Variants in PEX1 observed in about 807,000 individuals in gnomAD.
The protein encoded by PEX1 is peroxisomal ATPase PEX1.
PEX1 carries 97 observed loss-of-function variants against 152.5 expected under a neutral mutation model. The observed-to-expected ratio is 0.64, with a 90% CI of 0.54 to 0.75. The LOEUF (loss-of-function observed/expected upper bound fraction) is 0.75, where lower values mean the gene tolerates loss of function less well. Among genes scored for constraint, PEX1 ranks in the 30% least tolerant of loss-of-function variants. The probability of loss-of-function intolerance (pLI) is 0.00; values close to 1 mark genes in which losing one functional copy is unlikely to be tolerated. For synonymous variants in PEX1, 485 were observed against 531.6 expected, an observed-to-expected ratio of 0.91 and a Z score of 1.21; for missense variants, 1,357 against 1,516.3, an observed-to-expected ratio of 0.89 and a Z score of 1.74.
At chr7:92,494,179 TC>T in intron 19 of PEX1, 113 bp downstream of exon 19, 1 of 803,974 alleles carries the variant, frequency 1.2e-6, no homozygotes, top group Non-Finnish European at 2.1e-6. Context: ...CTAAAGCTTT[TC>T]CCTAAGAAAG....
At position 92,489,807 on chromosome 7, in the gene PEX1, T is replaced by C. The variant is rs374673391; in HGVS notation, c.3543A>G (p.Ser1181=). ...FSQPPVLRTA[S]QEGCQELTQE... ...GTGTAAGTTCTTGGCAACCCTCTTGTGAAGCTGTCCTTAACACTGGAGGCT... is the reference window on the plus strand; with the variant it reads ...GTGTAAGTTCTTGGCAACCCTCTTGCGAAGCTGTCCTTAACACTGGAGGCT... Residue 1181 remains serine (S), a synonymous_variant, in exon 22 of 24, where the codon TCA becomes TCG. Transcript: ENST00000248633. The C allele has an allele frequency of 1.5e-5, 24 of 1,613,960 alleles. No homozygotes were observed. Among genetic ancestry groups the C allele is most frequent in the Non-Finnish European group, 1.6e-5 (19 of 1,179,970 alleles).
At chr7:92,515,872 T>C (rs777023901) in intron 5 of PEX1, among the ~76,000 whole-genome samples, 1 of 151,816 alleles carries the variant, frequency 6.6e-6, no homozygotes, top group African/African-American at 2.4e-5. Context: ...CGCACACTTG[T>C]AGTCCCAGCT....
chr7:92,496,891 T>G, intron 16 of PEX1, 114 bp from the exon 17 acceptor site: 1 of 717,768 alleles, frequency 1.4e-6, no homozygotes, highest in Non-Finnish European at 2.5e-6. Context: ...AATGGATGTC[T>G]TTTATACATT....
intron 5 of PEX1, among the ~76,000 whole-genome samples, chr7:92,514,254 A>G (rs979348008): frequency 6.6e-6 from 1 of 152,128 alleles, no homozygotes; most frequent in Admixed American, 6.5e-5. Context: ...CCCAAAGACC[A>G]CACCTCCTAA....
In PEX1 at chr7:92,522,251, C is replaced by A. The variant is rs1562869976; in HGVS notation, c.130-6G>T. On this transcript the variant is annotated splice_polypyrimidine_tract_variant and splice_region_variant and intron_variant, in intron 1 of 23. Coordinates refer to ENST00000248633, the MANE Select transcript of PEX1 (RefSeq NM_000466.3). ...ACCACTTCTATAGCTTGATTCTATT[C>A]ATATAAGAAATGAGAGGAAAAAAGG... 1.2e-6 allele frequency: 2 copies of A among 1,613,620 alleles called. No homozygotes were observed. The highest frequency in any genetic ancestry group is 2.2e-5 in the South Asian group (2 of 91,044).
chr7:92,487,602 A>C, intron 23 of PEX1, 61 bp from the exon 24 acceptor site: 1 of 735,460 alleles, frequency 1.4e-6, no homozygotes, highest in Non-Finnish European at 2.3e-6. Context: ...ACAAAAGATA[A>C]TGGATTGTTG....
At chr7:92,492,456 T>G (rs930675842) in intron 20 of PEX1, among the ~76,000 whole-genome samples, 1 of 152,178 alleles carries the variant, frequency 6.6e-6, no homozygotes, top group Non-Finnish European at 1.5e-5. Flanking sequence ...CGTGAACCAC[T>G]GCACCTGGCC....
rs1793131407 is a variant in PEX1 at position 92,523,330 on chromosome 7, T to TC, written c.130-1086_130-1085insG. ...TGCATCATAAGCATTTTCGAACTTT[T>TC]TTTTTTTTTGAGACAGGATTTTGCT... On this transcript the variant is annotated intron_variant, in intron 1 of 23. Coordinates refer to ENST00000248633, the MANE Select transcript of PEX1 (RefSeq NM_000466.3). 2.0e-5 allele frequency among the ~76,000 whole-genome samples: 3 copies of TC among 152,182 alleles called. No individual in the cohort carries two copies. In the South Asian group the frequency reaches 6.2e-4, roughly 32 times the overall value.
rs769836601 is a variant in PEX1, at chr7:92,489,363, GTGAC to G, written c.3693_3696del (p.Gln1231HisfsTer3). The G allele has an allele frequency of 2.2e-5, 36 of 1,609,412 alleles. No homozygotes were observed. The highest frequency in any genetic ancestry group is 5.3e-5 in the African/African-American group (4 of 74,926). On this transcript the variant is annotated frameshift_variant, in exon 23 of 24. Coordinates refer to ENST00000248633, the MANE Select transcript of PEX1 (RefSeq NM_000466.3). LOFTEE classifies it high-confidence loss of function. ...GTGTGACCAAGTGCAGTCATTAAATGTGACTGACTAATAGCCAGTCTGGTTTTGA... is the reference window on the plus strand; with the variant it reads ...GTGTGACCAAGTGCAGTCATTAAATGTGACTAATAGCCAGTCTGGTTTTGA...
At chr7:92,497,032 CCA>C (rs1470655633) in intron 16 of PEX1, among the ~76,000 whole-genome samples, 1 of 152,098 alleles carries the variant, frequency 6.6e-6, no homozygotes, top group East Asian at 1.9e-4. Context: ...TGCCCAAATA[CCA>C]CCTCTTCAGA....
intron 5 of PEX1, among the ~76,000 whole-genome samples, chr7:92,514,366 A>T (rs1792623893): frequency 1.3e-5 from 2 of 152,208 alleles, no homozygotes; most frequent in Non-Finnish European, 1.5e-5. Flanking sequence ...ATATTGTTAT[A>T]CCATGAACAT....
rs144878087 is a variant in PEX1 at position 92,502,030 on chromosome 7, C to T, written c.2276G>A (p.Cys759Tyr). ...AAGATCGGTGAACTTGTTTATATCA[C>T]AGTCCAATTTATTTTTTATTACATT... ...LCNVIKNKLD[C>Y]DINKFTDLDL... The change falls in exon 14 of 24, where the codon TGT becomes TAT. Residue 759 changes from cysteine (C) to tyrosine (Y), a missense_variant. Cys to Tyr is a radical substitution (Grantham distance 194, BLOSUM62 -2). Coordinates refer to ENST00000248633, the MANE Select transcript of PEX1 (RefSeq NM_000466.3). 1.2e-6 allele frequency: 2 copies of T among 1,613,006 alleles called. No individual in the cohort carries two copies. The highest frequency in any genetic ancestry group is 1.3e-5 in the African/African-American group (1 of 75,032).
chr7:92,492,953 C>T lies in PEX1; in HGVS notation c.3207G>A (p.Gln1069=), dbSNP rs1791426210. The T allele has an allele frequency of 1.2e-6, 2 of 1,611,682 alleles. No homozygotes were observed. The highest frequency in any genetic ancestry group is 2.2e-5 in the East Asian group (1 of 44,840). The change falls in exon 20 of 24, where the codon CAG becomes CAA. Residue 1069 remains glutamine, a splice_region_variant and synonymous_variant. Coordinates refer to ENST00000248633, the MANE Select transcript of PEX1 (RefSeq NM_000466.3). Reference sequence around the variant, plus strand: ...ATAACAACTTCCTCATATAACTTGCCTGGAGTCCACTCGAGAGCAGCATTC... The same window carrying T: ...ATAACAACTTCCTCATATAACTTGCTTGGAGTCCACTCGAGAGCAGCATTC... ...LHGMLLSSGL[Q]DGSSSSDSDL...
Position 92,517,575 on chromosome 7 carries a change from C to A in PEX1, c.940G>T (p.Val314Leu). The A allele has an allele frequency of 6.2e-7, 1 of 1,614,034 alleles. No homozygotes were observed. Among genetic ancestry groups the A allele is most frequent in the Non-Finnish European group, 8.5e-7 (1 of 1,179,976 alleles). The change falls in exon 5 of 24, where the codon GTA (valine) becomes TTA (leucine). Residue 314 changes from valine to leucine, a missense_variant. Coordinates refer to ENST00000248633, the MANE Select transcript of PEX1 (RefSeq NM_000466.3). ...SVFHKHCAIH[V>L]FPWDQEYFDV... ...AAATATTCCTGGTCCCATGGAAATA[C>A]ATGAATGGCACAGTGTTTATGAAAA...
intron 6 of PEX1, among the ~76,000 whole-genome samples, chr7:92,513,450 T>C (rs1342241143): frequency 6.6e-6 from 1 of 152,018 alleles, no homozygotes; most frequent in Non-Finnish European, 1.5e-5. Flanking sequence ...ATAAGTCAGA[T>C]ACATAAGACA....
At chr7:92,506,789 G>T in intron 10 of PEX1, 1 of 600,538 alleles carries the variant, frequency 1.7e-6, no homozygotes, top group Admixed American at 2.9e-5. Flanking sequence ...GAGAACATCA[G>T]TCTTATTCGT....
intron 16 of PEX1, among the ~76,000 whole-genome samples, chr7:92,497,510 G>A (rs555341370): frequency 3.4e-5 from 5 of 148,880 alleles, no homozygotes; most frequent in African/African-American, 9.9e-5. Flanking sequence ...AAAACCTTTC[G>A]AAATAAATTT....
chr7:92,506,135 G>A (rs1792175864), intron 11 of PEX1, 113 bp downstream of exon 11: 1 of 662,956 alleles, frequency 1.5e-6, no homozygotes, highest in Non-Finnish European at 2.7e-6. Context: ...ATGATAAACA[G>A]AAAAGTTAAA....
chr7:92,489,476 A>C, intron 22 of PEX1, 53 bp from the exon 23 acceptor site: 1 of 1,493,584 alleles, frequency 6.7e-7, no homozygotes, highest in South Asian at 1.2e-5. Context: ...GTAAAAAAAA[A>C]TGTGGTAGTC....
Sources: gnomAD v4.1 joint callset for allele counts (sites outside exome capture counted in the v4.1 genomes callset) on GRCh38, gnomAD v4.1.1 for gene constraint, MANE v1.5 for transcripts, NCBI Gene and HGNC (gene_info 2026-07-23, HGNC 2026-07-21) for gene names.